Variants in RFX3 observed in about 807,000 individuals in gnomAD.
RFX3 encodes regulatory factor X3, also known as transcription factor RFX3.
Under a neutral mutation model 98.6 loss-of-function variants are expected in RFX3, and 14 were observed. That is an observed-to-expected ratio of 0.14 (90% CI 0.09 to 0.22). The LOEUF (loss-of-function observed/expected upper bound fraction) is 0.22, where lower values mean the gene tolerates loss of function less well. RFX3 is among the 10% of genes least tolerant of loss of function. RFX3 has a pLI of 1.00. For missense variants in RFX3, 639 were observed against 926.9 expected (o/e 0.69, Z 4.03); for synonymous variants, 383 against 328.4 (o/e 1.17, Z -1.80).
intron 11 of RFX3, among the ~76,000 whole-genome samples, chr9:3,266,770 C>T (rs1358678765): frequency 6.6e-6 from 1 of 152,018 alleles, no homozygotes; most frequent in African/African-American, 2.4e-5. Flanking sequence ...TTTCTCTATG[C>T]ATCTATTTAC....
At chr9:3,395,052 G>C (rs1840714118) in intron 2 of RFX3, among the ~76,000 whole-genome samples, 1 of 152,162 alleles carries the variant, frequency 6.6e-6, no homozygotes, top group African/African-American at 2.4e-5. Flanking sequence ...CAAAATCCCT[G>C]CCTGGAAGGT....
chr9:3,313,252 AG>A (rs1260192757), intron 4 of RFX3, among the ~76,000 whole-genome samples: 1 of 152,204 alleles, frequency 6.6e-6, no homozygotes, highest in Non-Finnish European at 1.5e-5. Context: ...CCAAACAAAC[AG>A]GGTCTGGAAT....
intron 1 of RFX3, among the ~76,000 whole-genome samples, chr9:3,459,037 G>A (rs548432498): frequency 6.6e-6 from 1 of 152,236 alleles, no homozygotes; most frequent in East Asian, 1.9e-4. Context: ...GTGTGCCAAA[G>A]GGACGGCAAT....
chr9:3,303,877 G>C (rs181426142), intron 4 of RFX3, among the ~76,000 whole-genome samples: 1 of 152,040 alleles, frequency 6.6e-6, no homozygotes, highest in East Asian at 1.9e-4. Flanking sequence ...TCAGAATTTC[G>C]GTTCTTCTTT....
At chr9:3,386,594 T>C (rs1008536380) in intron 2 of RFX3, among the ~76,000 whole-genome samples, 4 of 152,060 alleles carry the variant, frequency 2.6e-5, no homozygotes, top group Non-Finnish European at 4.4e-5. Flanking sequence ...CTTTATGAAG[T>C]AGTCCTCAAA....
At chr9:3,300,049 G>C (rs1828457834) in intron 5 of RFX3, among the ~76,000 whole-genome samples, 1 of 150,976 alleles carries the variant, frequency 6.6e-6, no homozygotes, top group Admixed American at 6.6e-5. Flanking sequence ...TGACTAAAAG[G>C]AAGAACAATT....
chr9:3,227,184 A>G (rs1217208125), intron 16 of RFX3, among the ~76,000 whole-genome samples: 1 of 152,186 alleles, frequency 6.6e-6, no homozygotes, highest in Non-Finnish European at 1.5e-5. Context: ...TAAAAAAGGG[A>G]GCACTGAAAA....
In RFX3 at chr9:3,223,326, G is replaced by T. The variant is rs1047244674; in HGVS notation, c.*1716C>A. On this transcript the variant is annotated 3_prime_UTR_variant, in exon 17 of 17. Transcript: ENST00000617270. Reference sequence around the variant, plus strand: ...AATGGGGCTGGGTGTAACTCTCTAGGATCTCACCTTCTGACTTTATAGCAG... The same window carrying T: ...AATGGGGCTGGGTGTAACTCTCTAGTATCTCACCTTCTGACTTTATAGCAG... 1 of 152,064 alleles carries T rather than the reference G, an allele frequency of 6.6e-6. No individual in the cohort carries two copies. The highest frequency in any genetic ancestry group is 2.4e-5 in the African/African-American group (1 of 41,388). The allele number at this position is 152,064 out of a possible 1,614,324, so 9.4% of individuals were successfully genotyped here.
chr9:3,465,201 C>A (rs1015830104), intron 1 of RFX3, among the ~76,000 whole-genome samples: 3 of 152,156 alleles, frequency 2.0e-5, no homozygotes, highest in African/African-American at 7.2e-5. Context: ...AGTCTGACAG[C>A]ATCTTAGTAT....
At chr9:3,231,280 G>C (rs1473216747) in intron 15 of RFX3, among the ~76,000 whole-genome samples, 1 of 152,142 alleles carries the variant, frequency 6.6e-6, no homozygotes, top group Non-Finnish European at 1.5e-5. Context: ...CTATCCTATA[G>C]AGCTGAAGGT....
intron 1 of RFX3, among the ~76,000 whole-genome samples, chr9:3,518,516 G>C (rs1018318210): frequency 3.9e-5 from 6 of 152,080 alleles, no homozygotes; most frequent in African/African-American, 1.4e-4. Flanking sequence ...AAAAAGAAAA[G>C]ACATATAGTA....
intron 14 of RFX3, among the ~76,000 whole-genome samples, chr9:3,255,770 T>C (rs932962090): frequency 6.6e-6 from 1 of 152,222 alleles, no homozygotes; most frequent in African/African-American, 2.4e-5. Context: ...ATATGTCATG[T>C]AATCAGAAAG....
chr9:3,324,011 C>T (rs1164670298), intron 4 of RFX3: 1 of 448,278 alleles, frequency 2.2e-6, no homozygotes, highest in South Asian at 1.7e-5. Flanking sequence ...GGCCCAGAAC[C>T]TTCAGTCAAT....
At chr9:3,477,953 G>A (rs973694142) in intron 1 of RFX3, among the ~76,000 whole-genome samples, 2 of 151,910 alleles carry the variant, frequency 1.3e-5, no homozygotes, top group African/African-American at 2.4e-5. Context: ...TTTCATTTCA[G>A]TTATTATACT....
chr9:3,263,369 CCA>C (rs1167814649), intron 12 of RFX3, among the ~76,000 whole-genome samples: 6 of 152,116 alleles, frequency 3.9e-5, no homozygotes, highest in African/African-American at 1.4e-4. Flanking sequence ...GACTACTCAT[CCA>C]CAGTAAGAAA....
In RFX3 at chr9:3,415,463, A is replaced by T. The variant is rs538428513; in HGVS notation, c.-8-19867T>A. Among the ~76,000 whole-genome samples, 65 of 152,156 alleles carry T rather than the reference A, an allele frequency of 4.3e-4. 1 individual carries two copies. Among genetic ancestry groups the T allele is most frequent in the African/African-American group, 1.5e-3 (63 of 41,532 alleles). ...AATAGTTCCAGATCTATTTAAGAATAAAACTAACAAGACCCACATCCACTA... is the reference window on the plus strand; with the variant it reads ...AATAGTTCCAGATCTATTTAAGAATTAAACTAACAAGACCCACATCCACTA... On this transcript the variant is annotated intron_variant, in intron 1 of 16. Coordinates refer to ENST00000617270, the MANE Select transcript of RFX3 (RefSeq NM_001282116.2).
intron 7 of RFX3, among the ~76,000 whole-genome samples, chr9:3,287,116 C>T (rs924613169): frequency 4.6e-5 from 7 of 151,864 alleles, no homozygotes; most frequent in Non-Finnish European, 1.0e-4. Flanking sequence ...CTTATCTCTG[C>T]ATGCAGGGCT....
At chr9:3,479,372 G>T (rs1304715093) in intron 1 of RFX3, among the ~76,000 whole-genome samples, 1 of 151,804 alleles carries the variant, frequency 6.6e-6, no homozygotes, top group East Asian at 1.9e-4. Context: ...AGGACAAAAA[G>T]ATCTTAACCA....
At chr9:3,458,652 C>G (rs1190827608) in intron 1 of RFX3, among the ~76,000 whole-genome samples, 1 of 152,080 alleles carries the variant, frequency 6.6e-6, no homozygotes, top group Non-Finnish European at 1.5e-5. Context: ...TCTAATGTAG[C>G]TTTTAGGAAT....
Sources: gnomAD v4.1 joint callset for allele counts (sites outside exome capture counted in the v4.1 genomes callset) on GRCh38, gnomAD v4.1.1 for gene constraint, MANE v1.5 for transcripts, NCBI Gene and HGNC (gene_info 2026-07-23, HGNC 2026-07-21) for gene names.